PLAC1: variants seen among roughly 807,000 people sequenced by gnomAD.
PLAC1 encodes placenta-specific protein 1.
For synonymous variants in PLAC1, 68 were observed against 62.1 expected, an observed-to-expected ratio of 1.09 and a Z score of -0.44; for missense variants, 136 against 163.2, an observed-to-expected ratio of 0.83 and a Z score of 0.91.
chrX:134,630,199 G>A (rs998932716), intron 1 of PLAC1, among the ~76,000 whole-genome samples: 18 of 110,952 alleles, frequency 1.6e-4, no homozygotes, highest in African/African-American at 4.3e-4. Flanking sequence ...TCAAACTCCC[G>A]ACCTCGGGTG....
intron 1 of PLAC1, among the ~76,000 whole-genome samples, chrX:134,640,789 T>A (rs1230821399): frequency 8.9e-6 from 1 of 112,255 alleles, no homozygotes; most frequent in Non-Finnish European, 1.9e-5. Flanking sequence ...TGGAGCACAT[T>A]TGCTGTCAAC....
chrX:134,689,989 C>G (rs2078530823), intron 2 of PLAC1, among the ~76,000 whole-genome samples: 1 of 111,652 alleles, frequency 9.0e-6, no homozygotes, highest in Non-Finnish European at 1.9e-5. Context: ...TTTTCCCCAA[C>G]TGAAACTCTG....
At chrX:134,594,928 A>T (rs2078055632) in intron 2 of PLAC1, among the ~76,000 whole-genome samples, 1 of 102,900 alleles carries the variant, frequency 9.7e-6, no homozygotes, top group African/African-American at 3.6e-5. Flanking sequence ...TTCTTTTTCT[A>T]GGTTCTTGAG....
intron 2 of PLAC1, among the ~76,000 whole-genome samples, chrX:134,590,278 G>T (rs935778758): frequency 9.0e-6 from 1 of 111,536 alleles, no homozygotes; most frequent in Non-Finnish European, 1.9e-5. Context: ...GAGTAACTGT[G>T]TTTAAGTCAA....
At chrX:134,616,593 G>A (rs1429859884) in intron 1 of PLAC1, among the ~76,000 whole-genome samples, 2 of 109,416 alleles carry the variant, frequency 1.8e-5, no homozygotes, top group Non-Finnish European at 1.9e-5. Flanking sequence ...CCGAGATTGC[G>A]CCACTGCACT....
chrX:134,578,280 G>A (rs1248855334), intron 2 of PLAC1, among the ~76,000 whole-genome samples: 2 of 108,189 alleles, frequency 1.8e-5, no homozygotes, highest in Admixed American at 2.0e-4. Context: ...AGGCGTGGTG[G>A]CGGGCGCCTG....
intron 1 of PLAC1, among the ~76,000 whole-genome samples, chrX:134,758,496 A>C (rs1221026983): frequency 8.9e-6 from 1 of 112,110 alleles, no homozygotes; most frequent in African/African-American, 3.2e-5. Context: ...ATAAAGCCAC[A>C]TACACAGCCA....
intron 1 of PLAC1, among the ~76,000 whole-genome samples, chrX:134,629,266 A>G (rs991976991): frequency 2.7e-5 from 3 of 111,905 alleles, no homozygotes; most frequent in Non-Finnish European, 5.6e-5. Context: ...ATTTGCACTG[A>G]TGATTGCAGC....
intron 1 of PLAC1, among the ~76,000 whole-genome samples, chrX:134,740,773 A>T (rs1391615984): frequency 8.9e-6 from 1 of 111,884 alleles, no homozygotes; most frequent in Non-Finnish European, 1.9e-5. Context: ...GCAGAAGGCC[A>T]TGTGAAGACA....
chrX:134,672,350 G>A (rs2078458568), intron 2 of PLAC1, among the ~76,000 whole-genome samples: 1 of 111,252 alleles, frequency 9.0e-6, no homozygotes, highest in Non-Finnish European at 1.9e-5. Context: ...ATCTCTGGGT[G>A]GTCCCAATAC....
intron 1 of PLAC1, chrX:134,605,672 C>T (rs1023283631): frequency 1.1e-4 from 12 of 111,964 alleles, no homozygotes; most frequent in Non-Finnish European, 2.3e-4. Flanking sequence ...AGAGGTGGCT[C>T]AGTACCCTGC....
At chrX:134,697,032 CAAA>C (rs375742064) in intron 2 of PLAC1, among the ~76,000 whole-genome samples, 1 of 84,726 alleles carries the variant, frequency 1.2e-5, no homozygotes. Flanking sequence ...GACTCCATCT[CAAA>C]AAAAAAAAAA....
chrX:134,670,103 A>T (rs1202341620), intron 2 of PLAC1, among the ~76,000 whole-genome samples: 3 of 97,947 alleles, frequency 3.1e-5, no homozygotes, highest in African/African-American at 1.2e-4. Flanking sequence ...GTGGCAGCTG[A>T]AACTTTTTTT....
intron 2 of PLAC1, among the ~76,000 whole-genome samples, chrX:134,663,620 C>T (rs778703680): frequency 8.9e-6 from 1 of 112,522 alleles, no homozygotes; most frequent in Non-Finnish European, 1.9e-5. Context: ...AAACACACAT[C>T]TGAGCCATCT....
intron 1 of PLAC1, among the ~76,000 whole-genome samples, chrX:134,623,147 C>T (rs1296402021): frequency 1.8e-5 from 2 of 112,275 alleles, no homozygotes; most frequent in Non-Finnish European, 3.8e-5. Flanking sequence ...CTTTCCCTCT[C>T]GTCAGATAGT....
In PLAC1 at chrX:134,754,831, C is replaced by G. The variant is rs183356311; in HGVS notation, n.89+9403G>C. The stretch of plus-strand genomic sequence containing the variant: ...AGACAAGATTACGCTGGTTAGAGTT[C>G]CAATTTGATTCACAAAAGTAAAGCT... On this transcript the variant is annotated intron_variant and non_coding_transcript_variant, in intron 1 of 2. Coordinates refer to the PLAC1 transcript ENST00000466797. Among the ~76,000 whole-genome samples the G allele has an allele frequency of 2.0e-3, 178 of 90,075 alleles. 1 individual carries two copies. Among genetic ancestry groups the G allele is most frequent in the Non-Finnish European group, 3.1e-3 (148 of 48,044 alleles). 78.2% of individuals were successfully genotyped at this position (90,075 alleles called of 115,157 possible).
chrX:134,584,463 C>T (rs997457408), intron 2 of PLAC1, among the ~76,000 whole-genome samples: 7 of 111,711 alleles, frequency 6.3e-5, no homozygotes, highest in Admixed American at 5.7e-4. Flanking sequence ...CAGATTTTGA[C>T]GTGAAGGATT....
At chrX:134,608,761 C>T (rs764306405) in intron 1 of PLAC1, among the ~76,000 whole-genome samples, 114 of 106,508 alleles carry the variant, frequency 1.1e-3, no homozygotes, top group African/African-American at 3.7e-3. Flanking sequence ...CTGCAATCTC[C>T]GCCTCCCAGG....
chrX:134,687,013 A>G (rs1393714308), intron 2 of PLAC1, among the ~76,000 whole-genome samples: 2 of 111,491 alleles, frequency 1.8e-5, no homozygotes, highest in Non-Finnish European at 3.8e-5. Context: ...TGCCCCTCAA[A>G]TCCTGTGCCA....
Sources: gnomAD v4.1 joint callset for allele counts (sites outside exome capture counted in the v4.1 genomes callset) on GRCh38, gnomAD v4.1.1 for gene constraint, MANE v1.5 for transcripts, NCBI Gene and HGNC (gene_info 2026-07-23, HGNC 2026-07-21) for gene names.